The following CADM2 variants were observed in gnomAD, a reference collection of about 807,000 sequenced individuals.
CADM2 encodes the protein immunoglobulin superfamily member 4D.
A neutral mutation model predicts 49.8 loss-of-function variants in CADM2; 12 were observed. That is an observed-to-expected ratio of 0.24 (90% confidence interval 0.15 to 0.39). The LOEUF (loss-of-function observed/expected upper bound fraction) is 0.39. CADM2 is among the 10% of genes least tolerant of loss of function. The pLI, the probability that CADM2 is intolerant of heterozygous loss-of-function variation, is 1.00. For synonymous variants in CADM2, 214 were observed against 175.4 expected (o/e 1.22, Z -1.74); for missense variants, 378 against 492.3 (o/e 0.77, Z 2.20).
At chr3:85,179,599 T>C (rs2107701119) in intron 1 of CADM2, among the ~76,000 whole-genome samples, 1 of 152,180 alleles carries the variant, frequency 6.6e-6, no homozygotes, top group African/African-American at 2.4e-5. Context: ...GGTCATATTA[T>C]TAAGGTACTA....
chr3:85,143,116 C>G (rs1268334079), intron 1 of CADM2, among the ~76,000 whole-genome samples: 1 of 151,938 alleles, frequency 6.6e-6, no homozygotes, highest in Non-Finnish European at 1.5e-5. Flanking sequence ...AACTTACATA[C>G]TAAGAAAACT....
chr3:84,959,572 C>A lies in CADM2; in HGVS notation c.-36C>A. ...CCCCGCTCACCAGCATCTACTTGCC[C>A]CCTCGTTCCTTCCCCAGCCCTTTAG... On this transcript the variant is annotated 5_prime_UTR_variant, in exon 1 of 10. Coordinates refer to ENST00000383699, the MANE Select transcript of CADM2 (RefSeq NM_001167675.2). 6.5e-7 allele frequency: 1 copy of A among 1,531,920 alleles called. No homozygotes were observed. The highest frequency in any genetic ancestry group is 8.8e-7 in the Non-Finnish European group (1 of 1,142,198). 94.9% of individuals were successfully genotyped at this position (1,531,920 alleles called of 1,614,324 possible).
chr3:85,205,490 T>C (rs1464922128), intron 1 of CADM2, among the ~76,000 whole-genome samples: 1 of 152,108 alleles, frequency 6.6e-6, no homozygotes, highest in Non-Finnish European at 1.5e-5. Flanking sequence ...ATATAGAAAA[T>C]CACAGTGAAT....
chr3:85,332,353 TTAAA>T (rs2044951825), intron 1 of CADM2, among the ~76,000 whole-genome samples: 1 of 151,980 alleles, frequency 6.6e-6, no homozygotes, highest in Non-Finnish European at 1.5e-5. Flanking sequence ...ATATCCCAAT[TTAAA>T]AATATAATGC....
At chr3:85,871,975 C>T (rs532577988) in intron 3 of CADM2, among the ~76,000 whole-genome samples, 3 of 152,198 alleles carry the variant, frequency 2.0e-5, no homozygotes, top group East Asian at 1.9e-4. Context: ...ATTTTCAAAT[C>T]GTGTATTTTT....
intron 1 of CADM2, among the ~76,000 whole-genome samples, chr3:84,985,869 A>T (rs1347785321): frequency 6.6e-6 from 1 of 152,170 alleles, no homozygotes; most frequent in Non-Finnish European, 1.5e-5. Context: ...CCAAAGAAAA[A>T]ATCTTGCTCA....
chr3:85,349,668 C>A (rs2031133374), intron 1 of CADM2, among the ~76,000 whole-genome samples: 1 of 152,100 alleles, frequency 6.6e-6, no homozygotes, highest in Non-Finnish European at 1.5e-5. Context: ...ACTTACTCTG[C>A]AGATATCACC....
intron 1 of CADM2, among the ~76,000 whole-genome samples, chr3:85,569,405 A>G (rs61197476): frequency 0.15 from 23,191 of 152,090 alleles, 5,024 homozygotes; most frequent in African/African-American, 0.48. Flanking sequence ...TAAAGCTGCT[A>G]TGAATATTTG....
intron 1 of CADM2, among the ~76,000 whole-genome samples, chr3:85,423,193 T>G (rs555339622): frequency 6.6e-6 from 1 of 152,220 alleles, no homozygotes; most frequent in South Asian, 2.1e-4. Flanking sequence ...TTTCTCTCTT[T>G]TCTTCTCTGC....
chr3:85,941,806 G>A (rs1721947476), intron 7 of CADM2, among the ~76,000 whole-genome samples: 1 of 152,076 alleles, frequency 6.6e-6, no homozygotes, highest in African/African-American at 2.4e-5. Flanking sequence ...CCCAAACTAA[G>A]TAGATGGCTT....
At chr3:86,048,853 A>C (rs1022487584) in intron 8 of CADM2, among the ~76,000 whole-genome samples, 1 of 152,334 alleles carries the variant, frequency 6.6e-6, no homozygotes, top group South Asian at 2.1e-4. Context: ...TTTTCACAAT[A>C]AATTTTATAA....
intron 1 of CADM2, among the ~76,000 whole-genome samples, chr3:85,350,114 CAA>C (rs968602200): frequency 2.6e-5 from 4 of 152,090 alleles, no homozygotes; most frequent in Non-Finnish European, 5.9e-5. Context: ...AGGAATAGCG[CAA>C]AGTCATCTTA....
At chr3:85,056,676 A>C (rs12485402) in intron 1 of CADM2, among the ~76,000 whole-genome samples, 2,237 of 152,188 alleles carry the variant, frequency 0.015, 131 homozygotes, top group Admixed American at 0.088. Flanking sequence ...AAATTAAGTG[A>C]AATGATATAT....
chr3:85,819,343 C>T (rs2073409699), intron 3 of CADM2, among the ~76,000 whole-genome samples: 2 of 152,292 alleles, frequency 1.3e-5, no homozygotes, highest in South Asian at 4.1e-4. Flanking sequence ...AACACCCTCA[C>T]AGCCACACCC....
intron 1 of CADM2, among the ~76,000 whole-genome samples, chr3:85,299,295 G>A (rs925502906): frequency 1.3e-5 from 2 of 151,838 alleles, no homozygotes; most frequent in African/African-American, 2.4e-5. Flanking sequence ...TGTAAAACTG[G>A]GGATGCATAT....
intron 8 of CADM2, among the ~76,000 whole-genome samples, chr3:86,021,412 G>C (rs1733159937): frequency 6.6e-6 from 1 of 152,038 alleles, no homozygotes; most frequent in South Asian, 2.1e-4. Context: ...TATCAGTGAT[G>C]TACCTTAGCT....
chr3:85,240,802 T>G (rs1576192002), intron 1 of CADM2, among the ~76,000 whole-genome samples: 1 of 151,566 alleles, frequency 6.6e-6, no homozygotes, highest in Non-Finnish European at 1.5e-5. Flanking sequence ...TATTATTTTG[T>G]AATTTTTTGT....
chr3:85,123,347 T>G (rs528344639), intron 1 of CADM2, among the ~76,000 whole-genome samples: 1 of 152,278 alleles, frequency 6.6e-6, no homozygotes, highest in African/African-American at 2.4e-5. Flanking sequence ...GGAGATTTCC[T>G]CATTTCAAAT....
At chr3:85,830,333 C>A (rs150231150) in intron 3 of CADM2, among the ~76,000 whole-genome samples, 2 of 152,026 alleles carry the variant, frequency 1.3e-5, no homozygotes, top group East Asian at 1.9e-4. Flanking sequence ...GGAAAAATTT[C>A]TATTCAGGTC....
Sources: gnomAD v4.1 joint callset for allele counts (sites outside exome capture counted in the v4.1 genomes callset) on GRCh38, gnomAD v4.1.1 for gene constraint, MANE v1.5 for transcripts, NCBI Gene and HGNC (gene_info 2026-07-23, HGNC 2026-07-21) for gene names.